Variants in VLDLR observed in about 807,000 individuals in gnomAD.
VLDLR encodes the protein very low density lipoprotein receptor.
A neutral mutation model predicts 112.7 loss-of-function variants in VLDLR; 81 were observed. The observed-to-expected ratio is 0.72, with a 90% CI of 0.60 to 0.86. The LOEUF (loss-of-function observed/expected upper bound fraction) is 0.86, where lower values mean the gene tolerates loss of function less well. Among genes scored for constraint, VLDLR ranks in the 40% least tolerant of loss-of-function variants. The pLI is 0.00. For synonymous variants in VLDLR, 436 were observed against 384.8 expected, an observed-to-expected ratio of 1.13 and a Z score of -1.56; for missense variants, 1,237 against 1,099.4, an observed-to-expected ratio of 1.13 and a Z score of -1.77.
intron 14 of VLDLR, among the ~76,000 whole-genome samples, chr9:2,649,302 C>G (rs958933302): frequency 1.3e-5 from 2 of 152,178 alleles, no homozygotes; most frequent in African/African-American, 4.8e-5. Context: ...TTCCAGGCCT[C>G]TTCTTGGTCT....
In VLDLR at chr9:2,651,913, C is replaced by T. The variant is rs144754195; in HGVS notation, c.2375C>T (p.Pro792Leu). The change falls in exon 17 of 19, where the codon CCC becomes CTC. Residue 792 changes from proline to leucine, a missense_variant. Transcript: ENST00000382100. ...VTTAVSEVSV[P>L]PKGTSAAWAI... ...ACAGCAGTATCAGAGGTCAGTGTTCCCCCAAAAGGGACTTCTGCCGCATGG... is the reference window on the plus strand; with the variant it reads ...ACAGCAGTATCAGAGGTCAGTGTTCTCCCAAAAGGGACTTCTGCCGCATGG... 12 of 1,613,954 alleles carry T rather than the reference C, an allele frequency of 7.4e-6. No individual in the cohort carries two copies. Among genetic ancestry groups the T allele is most frequent in the East Asian group, 2.2e-5 (1 of 44,892 alleles).
intron 1 of VLDLR, among the ~76,000 whole-genome samples, chr9:2,622,979 A>G (rs916577462): frequency 1.3e-5 from 2 of 152,088 alleles, no homozygotes; most frequent in East Asian, 3.9e-4. Flanking sequence ...GCGTTTGGAA[A>G]CCGCTCGGGT....
chr9:2,654,115 A>G lies in VLDLR; in HGVS notation c.*247A>G. On this transcript the variant is annotated 3_prime_UTR_variant, in exon 19 of 19. Transcript: ENST00000382100. ...TGTAACCCTTGAATTTCTAGACAGT[A>G]TTGCCACCTCTGGCCAAATATGCAC... The G allele has an allele frequency of 3.9e-6, 2 of 510,218 alleles. No individual in the cohort carries two copies. The highest frequency in any genetic ancestry group is 7.1e-6 in the Non-Finnish European group (2 of 281,164). 31.6% of individuals were successfully genotyped at this position (510,218 alleles called of 1,614,324 possible). A position where few individuals can be genotyped will look rare whatever the true frequency, so the allele number is the denominator to read the frequency against.
rs891512872 is a variant in VLDLR at position 2,644,025 on chromosome 9, G to T, written c.1066+66G>T. 8.1e-6 allele frequency: 13 copies of T among 1,611,498 alleles called. No individual in the cohort carries two copies. In the African/African-American group the frequency reaches 1.6e-4, roughly 20 times the overall value. ...GACACAATCCAGTATAGCTAACACT[G>T]TGTGGACCCCCCGTGATGGCTAGTT... On this transcript the variant is annotated intron_variant, in intron 7 of 18. Coordinates refer to ENST00000382100, the MANE Select transcript of VLDLR (RefSeq NM_003383.5).
At position 2,641,419 on chromosome 9, in the gene VLDLR, A is replaced by T. The variant is rs373997325; in HGVS notation, c.368A>T (p.His123Leu). ...ATACATGAAATCAGCTGTGGCGCCCATTCTACTCAGTGTATCCCAGTGTCC... is the reference window on the plus strand; with the variant it reads ...ATACATGAAATCAGCTGTGGCGCCCTTTCTACTCAGTGTATCCCAGTGTCC... ...CRIHEISCGAHSTQCIPVSWR... is the reference protein window; with the variant it reads ...CRIHEISCGALSTQCIPVSWR... Residue 123 changes from histidine to leucine, a missense_variant, in exon 4 of 19, where the codon CAT (histidine) becomes CTT (leucine). Transcript: ENST00000382100. 6.3e-5 allele frequency: 102 copies of T among 1,614,114 alleles called. 1 individual carries two copies. The African/African-American group carries it at 1.1e-3, about 17-fold the overall frequency.
rs1563755176 is a variant in VLDLR at position 2,639,914 on chromosome 9, C to G, written c.258C>G (p.Pro86=). The G allele has an allele frequency of 6.2e-7, 1 of 1,614,188 alleles. No individual in the cohort carries two copies. Among genetic ancestry groups the G allele is most frequent in the Non-Finnish European group, 8.5e-7 (1 of 1,180,044 alleles). The change falls in exon 3 of 19, where the codon CCC becomes CCG. Residue 86 remains proline (P), a synonymous_variant. Coordinates refer to ENST00000382100, the MANE Select transcript of VLDLR (RefSeq NM_003383.5). ...TGTGCAACAATGGCCAGTGTGTTCC[C>G]AGCCGATGGAAGTGTGATGGAGATC... ...DFVCNNGQCV[P]SRWKCDGDPD...
In VLDLR at chr9:2,654,003, G is replaced by C; in HGVS notation, c.*135G>C. On this transcript the variant is annotated 3_prime_UTR_variant, in exon 19 of 19. Transcript: ENST00000382100. ...ATCAAGATACCTTTGCGTGGATCAA[G>C]CTTGTGTACTTGACCGTTTTTATAT... is the stretch of plus-strand genomic sequence containing the variant. The C allele has an allele frequency of 1.1e-6, 1 of 875,536 alleles. No individual in the cohort carries two copies. Among genetic ancestry groups the C allele is most frequent in the Non-Finnish European group, 1.9e-6 (1 of 533,800 alleles). The allele number at this position is 875,536 out of a possible 1,614,324, so 54.2% of individuals were successfully genotyped here. A position where few individuals can be genotyped will look rare whatever the true frequency, so the allele number is the denominator to read the frequency against.
Position 2,651,441 on chromosome 9 carries a change from G to T in VLDLR, c.2278G>T (p.Glu760Ter). 6.2e-7 allele frequency: 1 copy of T among 1,614,006 alleles called. No individual in the cohort carries two copies. The highest frequency in any genetic ancestry group is 1.3e-5 in the African/African-American group (1 of 75,034). The change falls in exon 16 of 19, where the codon GAG becomes TAG. Residue 760 changes from glutamate to a stop codon, truncating the protein, a stop_gained. Coordinates refer to ENST00000382100, the MANE Select transcript of VLDLR (RefSeq NM_003383.5). LOFTEE classifies it high-confidence loss of function. ...QSTATTVTYS[E>*]TKDTNTTEIS... ...TACTGCAACTACTGTGACTTACAGT[G>T]AGACAAAAGATACGAACACAACAGA... is the stretch of plus-strand genomic sequence containing the variant.
At position 2,643,929 on chromosome 9, in the gene VLDLR, G is replaced by T. The variant is rs755556422; in HGVS notation, c.1036G>T (p.Asp346Tyr). The T allele has an allele frequency of 2.5e-6, 4 of 1,613,984 alleles. No individual in the cohort carries two copies. Residue 346 changes from aspartate (D) to tyrosine (Y), a missense_variant, in exon 7 of 19, where the codon GAC becomes TAC. By Grantham distance (160) the Asp-to-Tyr change is radical (BLOSUM62 -3). Coordinates refer to ENST00000382100, the MANE Select transcript of VLDLR (RefSeq NM_003383.5). ...ATGTAACCAGGAGCAGGACTGCAGG[G>T]ACTGGAGTGATGAGCCCCTGAAAGA... ...KVCNQEQDCR[D>Y]WSDEPLKECH... is the part of the protein sequence containing the mutation.
At chr9:2,634,654 T>G (rs958538690) in intron 1 of VLDLR, among the ~76,000 whole-genome samples, 5 of 152,188 alleles carry the variant, frequency 3.3e-5, no homozygotes, top group African/African-American at 1.2e-4. Flanking sequence ...AAACTACATC[T>G]TCAGCTCCAC....
At chr9:2,626,078 G>C (rs1033039360) in intron 1 of VLDLR, among the ~76,000 whole-genome samples, 9 of 152,220 alleles carry the variant, frequency 5.9e-5, no homozygotes, top group Admixed American at 1.3e-4. Context: ...CTGCACTGCA[G>C]GAACCAAATG....
rs897689174 is a variant in VLDLR at position 2,654,456 on chromosome 9, T to TA, written c.*594dup. The TA allele has an allele frequency of 6.4e-6, 1 of 157,448 alleles. No homozygotes were observed. Among genetic ancestry groups the TA allele is most frequent in the African/African-American group, 2.4e-5 (1 of 41,402 alleles). 9.8% of individuals were successfully genotyped at this position (157,448 alleles called of 1,614,324 possible). ...CTACTGTACATTTTTTTTCAAGTGC[T>TA]AAAAAATTAAACCAAGCAGCTTAAC... On this transcript the variant is annotated 3_prime_UTR_variant, in exon 19 of 19. Transcript: ENST00000382100.
chr9:2,635,641 T>G, intron 2 of VLDLR, 69 bp downstream of exon 2: 1 of 1,605,854 alleles, frequency 6.2e-7, no homozygotes, highest in Non-Finnish European at 8.5e-7. Flanking sequence ...GCAAATGTAT[T>G]GAGATTCTGA....
chr9:2,647,449 T>C (rs1329587650), intron 11 of VLDLR, 25 bp from the exon 12 acceptor site: 1 of 1,597,966 alleles, frequency 6.3e-7, no homozygotes, highest in South Asian at 1.1e-5. Context: ...CCACTGAGGC[T>C]TATTTCTCAT....
chr9:2,643,112 C>A, intron 4 of VLDLR, 48 bp from the exon 5 acceptor site: 1 of 1,600,434 alleles, frequency 6.2e-7, no homozygotes, highest in Non-Finnish European at 8.5e-7. Flanking sequence ...GAATCTTGAA[C>A]GGACCAATCT....
At chr9:2,629,698 C>T (rs1817249498) in intron 1 of VLDLR, among the ~76,000 whole-genome samples, 1 of 152,224 alleles carries the variant, frequency 6.6e-6, no homozygotes, top group Admixed American at 6.5e-5. Context: ...ATGTAACTGA[C>T]AATTGAACTG....
At chr9:2,629,983 T>C (rs7048281) in intron 1 of VLDLR, among the ~76,000 whole-genome samples, 1 of 152,206 alleles carries the variant, frequency 6.6e-6, no homozygotes, top group African/African-American at 2.4e-5. Flanking sequence ...TAGCAGACAC[T>C]GGGTTTCACC....
Position 2,639,783 on chromosome 9 carries a change from C to T in VLDLR, c.203-76C>T, listed in dbSNP as rs1333027688. On this transcript the variant is annotated intron_variant, in intron 2 of 18. Coordinates refer to ENST00000382100, the MANE Select transcript of VLDLR (RefSeq NM_003383.5). ...TTTTAGAGCAAAACATGCCAAAATG[C>T]AGTATGAGCCCTCATGTGAAGCTAG... The T allele has an allele frequency of 6.8e-6, 11 of 1,609,086 alleles. No individual in the cohort carries two copies. In the Admixed American group the frequency reaches 1.5e-4, roughly 22 times the overall value.
chr9:2,636,899 G>T (rs147571423), intron 2 of VLDLR, among the ~76,000 whole-genome samples: 1 of 152,224 alleles, frequency 6.6e-6, no homozygotes, highest in East Asian at 1.9e-4. Context: ...TTCTTAAAAA[G>T]TAATTATTCT....
Sources: gnomAD v4.1 joint callset for allele counts (sites outside exome capture counted in the v4.1 genomes callset) on GRCh38, gnomAD v4.1.1 for gene constraint, MANE v1.5 for transcripts, NCBI Gene and HGNC (gene_info 2026-07-23, HGNC 2026-07-21) for gene names.